Variants in LAMA3 observed in about 807,000 individuals in gnomAD.
LAMA3 encodes laminin subunit alpha 3, also known as laminin subunit alpha-3.
LAMA3 carries 281 observed loss-of-function variants against 402.0 expected under a neutral mutation model. The observed-to-expected ratio is 0.70, with a 90% CI of 0.63 to 0.77. LAMA3 has a LOEUF of 0.77. Among genes scored for constraint, LAMA3 ranks in the 30% least tolerant of loss-of-function variants. The pLI, the probability that LAMA3 is intolerant of heterozygous loss-of-function variation, is 0.00. For synonymous variants in LAMA3, 1,431 were observed against 1,558.4 expected (o/e 0.92, Z 1.93); for missense variants, 3,840 against 4,215.5 (o/e 0.91, Z 2.47).
intron 40 of LAMA3, among the ~76,000 whole-genome samples, chr18:23,882,903 C>T (rs2064948153): frequency 6.6e-6 from 1 of 152,102 alleles, no homozygotes. Context: ...AGAGGTATAA[C>T]TGGAGATAGA....
intron 1 of LAMA3, among the ~76,000 whole-genome samples, chr18:23,700,285 G>A (rs2060768195): frequency 6.6e-6 from 1 of 152,086 alleles, no homozygotes; most frequent in Non-Finnish European, 1.5e-5. Context: ...CTTGGAGCCT[G>A]GATTGGGCCC....
intron 38 of LAMA3, among the ~76,000 whole-genome samples, chr18:23,876,048 C>T (rs1340703023): frequency 6.6e-6 from 1 of 152,232 alleles, no homozygotes; most frequent in East Asian, 1.9e-4. Context: ...CAGTGGTGCA[C>T]ATGCCTGTGG....
In LAMA3 at chr18:23,810,492, C is replaced by T; in HGVS notation, c.1730C>T (p.Pro577Leu). Residue 577 changes from proline to leucine, a missense_variant, in exon 13 of 75, where the codon CCC (proline) becomes CTC (leucine). Pro to Leu is a moderately conservative substitution (Grantham distance 98). Coordinates refer to ENST00000313654, the MANE Select transcript of LAMA3 (RefSeq NM_198129.4). Reference protein sequence around the residue: ...DRCLSGAYDFPHCQGSSSACD... With the variant: ...DRCLSGAYDFLHCQGSSSACD... Reference sequence around the variant, plus strand: ...TGTCTCTCAGGAGCTTATGATTTCCCCCACTGCCAAGGTAGGAAAGTCAGC... The same window carrying T: ...TGTCTCTCAGGAGCTTATGATTTCCTCCACTGCCAAGGTAGGAAAGTCAGC... 1.2e-6 allele frequency: 2 copies of T among 1,614,064 alleles called. No homozygotes were observed. The highest frequency in any genetic ancestry group is 2.2e-5 in the East Asian group (1 of 44,870).
chr18:23,837,094 G>T lies in LAMA3; in HGVS notation c.3093+5G>T. On this transcript the variant is annotated splice_donor_5th_base_variant and intron_variant, in intron 25 of 74. Transcript: ENST00000313654. The stretch of plus-strand genomic sequence containing the variant: ...CACATGGCCCGATTCCTTCTGGTAT[G>T]CTTCTGTTTTGCCCATTGAATTTTA... 1 of 1,591,090 alleles carries T rather than the reference G, an allele frequency of 6.3e-7. No homozygotes were observed. The highest frequency in any genetic ancestry group is 8.6e-7 in the Non-Finnish European group (1 of 1,159,398).
chr18:23,716,941 ACTT>A (rs538756519), intron 2 of LAMA3, among the ~76,000 whole-genome samples: 33 of 152,322 alleles, frequency 2.2e-4, no homozygotes, highest in Non-Finnish European at 2.8e-4. Flanking sequence ...TTCATTTAAA[ACTT>A]CTTTAGAGCA....
chr18:23,898,830 T>A lies in LAMA3; in HGVS notation c.5706T>A (p.Phe1902Leu). 6.2e-7 allele frequency: 1 copy of A among 1,608,862 alleles called. No homozygotes were observed. Among genetic ancestry groups the A allele is most frequent in the Admixed American group, 1.7e-5 (1 of 60,004 alleles). Residue 1902 changes from phenylalanine (F) to leucine (L), a missense_variant, in exon 45 of 75, where the codon TTT becomes TTA. Physicochemically the swap from Phe to Leu is conservative, Grantham distance 22. Coordinates refer to ENST00000313654, the MANE Select transcript of LAMA3 (RefSeq NM_198129.4). ...ERELTDLNQEFETLQEKAQVN... is the reference protein window; with the variant it reads ...ERELTDLNQELETLQEKAQVN... The stretch of plus-strand genomic sequence containing the variant: ...AACTGACTGATTTGAATCAAGAATT[T>A]GAGACTTTGCAAGAAAAGGTAATGT...
chr18:23,785,700 C>T (rs2062530736), intron 12 of LAMA3, among the ~76,000 whole-genome samples: 1 of 152,224 alleles, frequency 6.6e-6, no homozygotes. Flanking sequence ...CCAAACCTTT[C>T]CTTTACCTGC....
chr18:23,735,015 C>T (rs1208828425), intron 2 of LAMA3, among the ~76,000 whole-genome samples: 1 of 152,178 alleles, frequency 6.6e-6, no homozygotes, highest in African/African-American at 2.4e-5. Context: ...ACCAGTGAGG[C>T]GGTTAATATA....
intron 51 of LAMA3, 70 bp from the exon 52 acceptor site, chr18:23,905,452 G>C (rs1468124009): frequency 1.1e-6 from 1 of 880,408 alleles, no homozygotes; most frequent in Non-Finnish European, 1.9e-6. Flanking sequence ...TTCAGACTAG[G>C]ATAGAAATCT....
intron 62 of LAMA3, 28 bp downstream of exon 62, chr18:23,921,613 T>TAA (rs1555741092): frequency 6.2e-7 from 1 of 1,612,232 alleles, no homozygotes; most frequent in Non-Finnish European, 8.5e-7. Flanking sequence ...AAACGAGATT[T>TAA]AAAGCCTTTG....
intron 36 of LAMA3, among the ~76,000 whole-genome samples, chr18:23,865,201 C>A (rs2064326379): frequency 6.6e-6 from 1 of 152,078 alleles, no homozygotes; most frequent in Admixed American, 6.6e-5. Context: ...ACTGTGTTGC[C>A]CAGGTTGGAG....
chr18:23,750,667 C>T (rs890470826), intron 4 of LAMA3, among the ~76,000 whole-genome samples: 8 of 151,906 alleles, frequency 5.3e-5, no homozygotes, highest in African/African-American at 1.7e-4. Context: ...GCTTTGAAAA[C>T]GTAATGATAA....
At chr18:23,820,068 C>G in intron 19 of LAMA3, 71 bp downstream of exon 19, 1 of 1,456,802 alleles carries the variant, frequency 6.9e-7, no homozygotes, top group South Asian at 1.1e-5. Context: ...TCTCAGGGAG[C>G]CCCCTGAAAG....
chr18:23,709,626 C>T (rs533120480), intron 1 of LAMA3, among the ~76,000 whole-genome samples: 5 of 152,048 alleles, frequency 3.3e-5, no homozygotes, highest in African/African-American at 9.7e-5. Flanking sequence ...TTGGTATAAG[C>T]GTCTGTTGGA....
At chr18:23,868,526 C>G (rs1319421331) in intron 37 of LAMA3, among the ~76,000 whole-genome samples, 1 of 152,142 alleles carries the variant, frequency 6.6e-6, no homozygotes, top group Non-Finnish European at 1.5e-5. Flanking sequence ...ATGGGAGGAT[C>G]GTTTGAGCCC....
intron 1 of LAMA3, chr18:23,710,176 T>C (rs1598622609): frequency 1.6e-6 from 1 of 613,790 alleles, no homozygotes; most frequent in African/African-American, 1.9e-5. Context: ...TGCAGATCTT[T>C]TTTTGTGTGG....
Position 23,846,434 on chromosome 18 carries a change from C to G in LAMA3, c.3857C>G (p.Pro1286Arg), listed in dbSNP as rs573564583. The G allele has an allele frequency of 6.2e-7, 1 of 1,613,876 alleles. No individual in the cohort carries two copies. The highest frequency in any genetic ancestry group is 1.3e-5 in the African/African-American group (1 of 75,080). ...TGCAGCCCTGAGGGTGGGCAGTGCC[C>G]ATGCCAGCCCAACGTCATCGGGCGG... ...PHCSPEGGQC[P>R]CQPNVIGRQC... is the part of the protein sequence containing the mutation. The change falls in exon 31 of 75, where the codon CCA becomes CGA. Residue 1286 changes from proline (P) to arginine (R), a missense_variant. Pro to Arg is a moderately radical substitution (Grantham distance 103, BLOSUM62 -2). Coordinates refer to ENST00000313654, the MANE Select transcript of LAMA3 (RefSeq NM_198129.4).
Position 23,871,611 on chromosome 18 carries a change from G to A in LAMA3, c.4948G>A (p.Ala1650Thr). 6.2e-7 allele frequency: 1 copy of A among 1,613,858 alleles called. No individual in the cohort carries two copies. The highest frequency in any genetic ancestry group is 8.5e-7 in the Non-Finnish European group (1 of 1,179,858). The change falls in exon 38 of 75, where the codon GCT (alanine) becomes ACT (threonine). Residue 1650 changes from alanine to threonine, a missense_variant. Physicochemically the swap from Ala to Thr is moderately conservative, Grantham distance 58. This residue lies in a region of LAMA3 where 2,109 missense variants were observed against 2,376.0 expected (regional missense o/e 0.89). Coordinates refer to ENST00000313654, the MANE Select transcript of LAMA3 (RefSeq NM_198129.4). ...SDTGSGRIAL[A>T]VEICACPPAY... ...CACAGGAAGTGGGCGCATAGCACTT[G>A]CTGTGGAAATCTGTGCCTGCCCCCC...
intron 2 of LAMA3, among the ~76,000 whole-genome samples, chr18:23,742,320 A>C (rs908565138): frequency 6.6e-6 from 1 of 152,194 alleles, no homozygotes; most frequent in Non-Finnish European, 1.5e-5. Context: ...ACTGCTGTGG[A>C]TTAAAGGGGA....
Sources: allele counts gnomAD v4.1 joint callset (sites outside exome capture counted in the v4.1 genomes callset), GRCh38; gene constraint gnomAD v4.1.1; regional missense constraint gnomAD v4.1.1; transcripts MANE v1.5; gene names NCBI Gene and HGNC (gene_info 2026-07-23, HGNC 2026-07-21).